Variants in GALNTL6 observed in about 807,000 individuals in gnomAD.
The protein encoded by GALNTL6 is polypeptide N-acetylgalactosaminyltransferase-like 6.
GALNTL6 carries 46 observed loss-of-function variants against 73.7 expected under a neutral mutation model. The ratio of observed to expected loss-of-function variants is 0.62; its 90% CI spans 0.49 to 0.80. The LOEUF is 0.80. GALNTL6 is among the 30% of genes least tolerant of loss of function. GALNTL6 has a pLI of 0.00. For synonymous variants in GALNTL6, 259 were observed against 263.7 expected (o/e 0.98, Z 0.17); for missense variants, 604 against 755.0 (o/e 0.80, Z 2.34).
At chr4:171,972,349 A>G (rs1326424497) in intron 2 of GALNTL6, among the ~76,000 whole-genome samples, 1 of 152,158 alleles carries the variant, frequency 6.6e-6, no homozygotes, top group Non-Finnish European at 1.5e-5. Context: ...TCAATATTAA[A>G]TGATACTTCT....
At chr4:172,532,257 T>C (rs1322798512) in intron 5 of GALNTL6, among the ~76,000 whole-genome samples, 1 of 152,170 alleles carries the variant, frequency 6.6e-6, no homozygotes, top group Non-Finnish European at 1.5e-5. Context: ...TAAGGACTGG[T>C]ATCCTTATAA....
At chr4:172,464,787 A>G (rs948940778) in intron 5 of GALNTL6, among the ~76,000 whole-genome samples, 2 of 152,110 alleles carry the variant, frequency 1.3e-5, no homozygotes, top group African/African-American at 4.8e-5. Context: ...TCAAAGCACA[A>G]TTCTATGTAC....
intron 2 of GALNTL6, among the ~76,000 whole-genome samples, chr4:171,841,155 T>C (rs1735229469): frequency 6.6e-6 from 1 of 152,208 alleles, no homozygotes; most frequent in Non-Finnish European, 1.5e-5. Context: ...TACTGTGTTA[T>C]CTTTCCACTT....
chr4:173,024,815 G>A (rs1332678288), intron 12 of GALNTL6, among the ~76,000 whole-genome samples: 2 of 152,108 alleles, frequency 1.3e-5, no homozygotes, highest in Admixed American at 1.3e-4. Flanking sequence ...CTGACCTCAG[G>A]GGATCCGCCC....
intron 7 of GALNTL6, among the ~76,000 whole-genome samples, chr4:172,820,919 T>C (rs1410637270): frequency 1.3e-5 from 2 of 152,236 alleles, no homozygotes; most frequent in Admixed American, 6.5e-5. Flanking sequence ...TTAGAATCTA[T>C]GTTCATCAGT....
chr4:171,860,683 A>G (rs888335304), intron 2 of GALNTL6, among the ~76,000 whole-genome samples: 1 of 152,148 alleles, frequency 6.6e-6, no homozygotes, highest in East Asian at 1.9e-4. Context: ...CAGGGTGTTG[A>G]TTTTATTTGA....
intron 11 of GALNTL6, among the ~76,000 whole-genome samples, chr4:173,014,830 AC>A (rs934681824): frequency 6.6e-6 from 1 of 152,218 alleles, no homozygotes; most frequent in African/African-American, 2.4e-5. Flanking sequence ...GCAACATGAC[AC>A]ATATCACATT....
At chr4:172,303,847 G>T (rs983491973) in intron 3 of GALNTL6, among the ~76,000 whole-genome samples, 2 of 151,816 alleles carry the variant, frequency 1.3e-5, no homozygotes, top group Non-Finnish European at 2.9e-5. Flanking sequence ...TCACTCCCCT[G>T]CCCCTGCCCA....
chr4:172,909,547 A>T (rs1316145909), intron 8 of GALNTL6, among the ~76,000 whole-genome samples: 1 of 152,060 alleles, frequency 6.6e-6, no homozygotes, highest in East Asian at 1.9e-4. Context: ...ATTGATTCTC[A>T]ATTATGATAA....
chr4:172,915,610 C>T (rs886663245), intron 8 of GALNTL6, among the ~76,000 whole-genome samples: 1 of 152,126 alleles, frequency 6.6e-6, no homozygotes, highest in Non-Finnish European at 1.5e-5. Flanking sequence ...TCAGAGAATA[C>T]TATAAACACT....
At chr4:172,910,159 A>T (rs1248213615) in intron 8 of GALNTL6, among the ~76,000 whole-genome samples, 1 of 152,124 alleles carries the variant, frequency 6.6e-6, no homozygotes, top group Non-Finnish European at 1.5e-5. Flanking sequence ...TTTCATATGC[A>T]GACAATATTC....
intron 3 of GALNTL6, among the ~76,000 whole-genome samples, chr4:172,296,158 G>T (rs1324211912): frequency 6.6e-6 from 1 of 151,968 alleles, no homozygotes; most frequent in Non-Finnish European, 1.5e-5. Flanking sequence ...TCTATTCCTA[G>T]CTTTCTGAAA....
chr4:172,523,956 G>A (rs570707273), intron 5 of GALNTL6, among the ~76,000 whole-genome samples: 2 of 152,194 alleles, frequency 1.3e-5, no homozygotes, highest in East Asian at 1.9e-4. Context: ...TTAGTGCTTC[G>A]AAGGCCCTCT....
At chr4:172,762,893 A>G (rs1738199544) in intron 5 of GALNTL6, among the ~76,000 whole-genome samples, 1 of 120,702 alleles carries the variant, frequency 8.3e-6, no homozygotes, top group Admixed American at 8.6e-5. Context: ...AGGAAGATAA[A>G]TATTTGTTTA....
At chr4:172,415,772 C>A (rs748442691) in intron 5 of GALNTL6, among the ~76,000 whole-genome samples, 1 of 151,946 alleles carries the variant, frequency 6.6e-6, no homozygotes, top group African/African-American at 2.4e-5. Context: ...GGGTTGTGAT[C>A]GATTGAGCAA....
chr4:173,027,827 A>G (rs1323706838), intron 12 of GALNTL6, among the ~76,000 whole-genome samples: 3 of 152,210 alleles, frequency 2.0e-5, no homozygotes, highest in Admixed American at 6.5e-5. Context: ...GAAGTATTTT[A>G]AAAATGAATA....
intron 5 of GALNTL6, among the ~76,000 whole-genome samples, chr4:172,749,936 TA>T (rs1259210249): frequency 6.6e-6 from 1 of 152,168 alleles, no homozygotes; most frequent in Non-Finnish European, 1.5e-5. Flanking sequence ...ACTATATCCT[TA>T]AATAGTTATT....
At chr4:172,267,150 A>G (rs1363738685) in intron 3 of GALNTL6, among the ~76,000 whole-genome samples, 3 of 152,118 alleles carry the variant, frequency 2.0e-5, no homozygotes, top group Admixed American at 6.6e-5. Context: ...ACAAACATGG[A>G]TGAGAAATTG....
chr4:172,753,348 TA>T (rs1737542835), intron 5 of GALNTL6, among the ~76,000 whole-genome samples: 1 of 152,232 alleles, frequency 6.6e-6, no homozygotes, highest in Admixed American at 6.5e-5. Context: ...GGTAAGTCTT[TA>T]TTAGCAGCAT....
Sources: gnomAD v4.1 joint callset for allele counts (sites outside exome capture counted in the v4.1 genomes callset) on GRCh38, gnomAD v4.1.1 for gene constraint, MANE v1.5 for transcripts, NCBI Gene and HGNC (gene_info 2026-07-23, HGNC 2026-07-21) for gene names.